Variants in CRACD observed in about 807,000 individuals in gnomAD.
The protein encoded by CRACD is capping protein-inhibiting regulator of actin dynamics.
A neutral mutation model predicts 106.8 loss-of-function variants in CRACD; 56 were observed. That is an observed-to-expected ratio of 0.52 (90% CI 0.42 to 0.66). The LOEUF is 0.66. Among genes scored for constraint, CRACD ranks in the 30% least tolerant of loss-of-function variants. The pLI is 0.00. For missense variants in CRACD, 1,730 were observed against 1,623.2 expected (o/e 1.07, Z -1.13); for synonymous variants, 754 against 670.8 (o/e 1.12, Z -1.92).
At chr4:56,223,943 G>A (rs1739173120) in intron 2 of CRACD, among the ~76,000 whole-genome samples, 1 of 151,862 alleles carries the variant, frequency 6.6e-6, no homozygotes, top group Admixed American at 6.6e-5. Context: ...ATTTTTTGTG[G>A]AGACAGGGTC....
At chr4:56,064,692 G>A (rs980519174) in intron 1 of CRACD, among the ~76,000 whole-genome samples, 4 of 152,012 alleles carry the variant, frequency 2.6e-5, no homozygotes, top group Non-Finnish European at 4.4e-5. Flanking sequence ...AATACTCCTT[G>A]ATCTTACTCC....
At chr4:56,087,762 C>G (rs1226457641) in intron 1 of CRACD, among the ~76,000 whole-genome samples, 2 of 152,152 alleles carry the variant, frequency 1.3e-5, no homozygotes, top group African/African-American at 4.8e-5. Context: ...GTCCCTTCTC[C>G]CTAAAACCTG....
At chr4:56,207,987 A>ATT (rs1191794918) in intron 2 of CRACD, among the ~76,000 whole-genome samples, 3 of 138,774 alleles carry the variant, frequency 2.2e-5, no homozygotes, top group Non-Finnish European at 3.2e-5. Context: ...TGGTTAATTA[A>ATT]TTTTTTTTTT....
At chr4:56,286,827 G>A (rs959210146) in intron 3 of CRACD, among the ~76,000 whole-genome samples, 2 of 151,914 alleles carry the variant, frequency 1.3e-5, no homozygotes, top group Non-Finnish European at 2.9e-5. Context: ...CAAAAGGTCC[G>A]GGAAAACAAA....
At chr4:56,157,774 C>G (rs1327419991) in intron 1 of CRACD, among the ~76,000 whole-genome samples, 2 of 151,964 alleles carry the variant, frequency 1.3e-5, no homozygotes, top group Admixed American at 1.3e-4. Context: ...TTTTAAAATT[C>G]AGGGCCAGGA....
intron 2 of CRACD, among the ~76,000 whole-genome samples, chr4:56,269,968 T>C (rs1742253181): frequency 6.6e-6 from 1 of 152,212 alleles, no homozygotes; most frequent in Admixed American, 6.5e-5. Context: ...TTTAACTCTT[T>C]TTTGTACCTA....
chr4:56,164,168 T>G (rs1216731882), intron 1 of CRACD, among the ~76,000 whole-genome samples: 2 of 150,528 alleles, frequency 1.3e-5, no homozygotes, highest in Non-Finnish European at 3.0e-5. Flanking sequence ...GGAGTCTTGC[T>G]CTGTCGCCCA....
chr4:56,316,304 T>A lies in CRACD; in HGVS notation c.2802T>A (p.Pro934=). The change falls in exon 8 of 11, where the codon CCT becomes CCA. Residue 934 remains proline, a synonymous_variant. Transcript: ENST00000682029. ...GCCGCTCTGTTCCTGTGGCCCACCC[T>A]GGGCCTCCACCGGCCAGCAGCCAGA... ...SSSRSVPVAH[P]GPPPASSQTP... The A allele has an allele frequency of 6.2e-7, 1 of 1,613,978 alleles. No individual in the cohort carries two copies. The highest frequency in any genetic ancestry group is 8.5e-7 in the Non-Finnish European group (1 of 1,179,886).
chr4:56,248,027 T>C (rs1468005425), intron 2 of CRACD, among the ~76,000 whole-genome samples: 3 of 152,054 alleles, frequency 2.0e-5, no homozygotes, highest in Non-Finnish European at 4.4e-5. Flanking sequence ...GAATAAAACA[T>C]CACAGCAGCA....
chr4:56,313,132 T>C (rs949526418), intron 6 of CRACD, 65 bp from the exon 7 acceptor site: 11 of 1,447,818 alleles, frequency 7.6e-6, no homozygotes, highest in Non-Finnish European at 6.7e-6. Context: ...AGTGCCACCG[T>C]TCTGCGATTC....
chr4:56,083,154 A>G (rs943368825), intron 1 of CRACD, among the ~76,000 whole-genome samples: 8 of 152,352 alleles, frequency 5.3e-5, no homozygotes, highest in African/African-American at 1.9e-4. Flanking sequence ...ATGGAGTGAT[A>G]ACAAGACACA....
intron 3 of CRACD, among the ~76,000 whole-genome samples, chr4:56,283,534 G>A (rs756686931): frequency 6.6e-6 from 1 of 152,110 alleles, no homozygotes; most frequent in Non-Finnish European, 1.5e-5. Context: ...CTGCAGCCTG[G>A]TGTAAGCCTG....
chr4:56,290,245 G>A (rs1743629998), intron 3 of CRACD, among the ~76,000 whole-genome samples: 2 of 152,180 alleles, frequency 1.3e-5, no homozygotes, highest in South Asian at 4.1e-4. Flanking sequence ...ATTTCTGAAA[G>A]TGAAAGCACA....
intron 1 of CRACD, among the ~76,000 whole-genome samples, chr4:56,146,933 C>A (rs1735402440): frequency 6.6e-6 from 1 of 152,072 alleles, no homozygotes; most frequent in South Asian, 2.1e-4. Context: ...CTCAAAGGAA[C>A]CACCTGCTCC....
intron 1 of CRACD, among the ~76,000 whole-genome samples, chr4:56,124,950 C>T (rs1444092105): frequency 2.6e-5 from 4 of 152,266 alleles, no homozygotes; most frequent in Non-Finnish European, 4.4e-5. Context: ...TTCTGTGATG[C>T]TGAGTGTATA....
At chr4:56,326,177 G>GC (rs1746433608) in intron 10 of CRACD, among the ~76,000 whole-genome samples, 1 of 152,216 alleles carries the variant, frequency 6.6e-6, no homozygotes, top group African/African-American at 2.4e-5. Flanking sequence ...CTCCCAAAGT[G>GC]CTGGGATTAA....
At chr4:56,261,346 C>T (rs1306463342) in intron 2 of CRACD, among the ~76,000 whole-genome samples, 1 of 127,304 alleles carries the variant, frequency 7.9e-6, no homozygotes, top group African/African-American at 3.1e-5. Context: ...GCCTCTGTTA[C>T]TGCTTCTTCT....
chr4:56,292,221 C>G (rs575379441), intron 3 of CRACD, among the ~76,000 whole-genome samples: 1 of 152,258 alleles, frequency 6.6e-6, no homozygotes, highest in East Asian at 1.9e-4. Context: ...CTTAGGGTAT[C>G]TGTTGAAAGG....
chr4:56,233,085 C>T (rs1012381597), intron 2 of CRACD, among the ~76,000 whole-genome samples: 1 of 151,744 alleles, frequency 6.6e-6, no homozygotes, highest in African/African-American at 2.4e-5. Flanking sequence ...TGTATATCTA[C>T]TTTGTGAAAT....
Sources: allele counts gnomAD v4.1 joint callset (sites outside exome capture counted in the v4.1 genomes callset), GRCh38; gene constraint gnomAD v4.1.1; transcripts MANE v1.5; gene names NCBI Gene and HGNC (gene_info 2026-07-23, HGNC 2026-07-21).